The following ADGRL1 variants were observed in gnomAD, a reference collection of about 807,000 sequenced individuals.
ADGRL1 encodes the protein adhesion G protein-coupled receptor L1, also known as CIRL-1.
Under a neutral mutation model 148.9 loss-of-function variants are expected in ADGRL1, and 31 were observed. That is an observed-to-expected ratio of 0.21 (90% confidence interval 0.16 to 0.28). ADGRL1 has a LOEUF of 0.28. Ranked by LOEUF, ADGRL1 falls within the 10% of genes least tolerant of loss-of-function variation. The pLI, the probability that ADGRL1 is intolerant of heterozygous loss-of-function variation, is 1.00. For missense variants in ADGRL1, 1,521 were observed against 2,058.8 expected (o/e 0.74, Z 5.05); for synonymous variants, 937 against 900.3 (o/e 1.04, Z -0.73).
intron 1 of ADGRL1, among the ~76,000 whole-genome samples, chr19:14,184,891 G>A (rs748606638): frequency 1.3e-4 from 20 of 152,042 alleles, no homozygotes; most frequent in Non-Finnish European, 2.6e-4. Flanking sequence ...CGCCCGTCTC[G>A]GCCTCCCAAA....
At chr19:14,199,657 G>A (rs3962171) in intron 1 of ADGRL1, among the ~76,000 whole-genome samples, 4 of 152,062 alleles carry the variant, frequency 2.6e-5, no homozygotes, top group Non-Finnish European at 4.4e-5. Context: ...AAACTCAAGC[G>A]ATCCTCCCGC....
Position 14,152,298 on chromosome 19 carries a change from C to A in ADGRL1, c.3649+11G>T. On this transcript the variant is annotated intron_variant, in intron 21 of 22. Coordinates refer to ENST00000361434, the MANE Select transcript of ADGRL1 (RefSeq NM_014921.5). This position sits in a 1 kb window ranked among gnomAD's most constrained non-coding sequence, Gnocchi z 6.1. ...ATTTCCCAACCTGGGATGTTTCCCC[C>A]GTGCTCTCACCTGGGGAGTTGAAGA... The A allele has an allele frequency of 1.2e-6, 2 of 1,602,058 alleles. No homozygotes were observed. The highest frequency in any genetic ancestry group is 1.7e-6 in the Non-Finnish European group (2 of 1,172,700).
At position 14,150,369 on chromosome 19, in the gene ADGRL1, G is replaced by A. The variant is rs1968046603; in HGVS notation, c.*504C>T. On this transcript the variant is annotated 3_prime_UTR_variant, in exon 23 of 23. Transcript: ENST00000361434. ...CAGGGAGCAGGGAATTACAGCGCAG[G>A]AGGAACCTGTCCATCTGTCCTGCCT... The A allele has an allele frequency of 6.4e-6, 1 of 155,316 alleles. No individual in the cohort carries two copies. The highest frequency in any genetic ancestry group is 2.4e-5 in the African/African-American group (1 of 41,474). 9.6% of individuals were successfully genotyped at this position (155,316 alleles called of 1,614,324 possible). A position where few individuals can be genotyped will look rare whatever the true frequency, so the allele number is the denominator to read the frequency against.
In ADGRL1 at chr19:14,155,069, G is replaced by A. The variant is rs935900223; in HGVS notation, c.3294+290C>T. 4.7e-6 allele frequency: 1 copy of A among 212,584 alleles called. No homozygotes were observed. 13.2% of individuals were successfully genotyped at this position (212,584 alleles called of 1,614,324 possible). A position where few individuals can be genotyped will look rare whatever the true frequency, so the allele number is the denominator to read the frequency against. On this transcript the variant is annotated intron_variant, in intron 18 of 22. Coordinates refer to ENST00000361434, the MANE Select transcript of ADGRL1 (RefSeq NM_014921.5). This position sits in a 1 kb window ranked among gnomAD's most constrained non-coding sequence, Gnocchi z 5.0. ...GTCCTCCCTCTCCCAGGCCTGACTC[G>A]TGGCCCTCATGGTGGTGAGGGTTCC...
chr19:14,155,743 G>T lies in ADGRL1; in HGVS notation c.3126-216C>A. On this transcript the variant is annotated intron_variant, in intron 17 of 22. Coordinates refer to ENST00000361434, the MANE Select transcript of ADGRL1 (RefSeq NM_014921.5). This position sits in a 1 kb window ranked among gnomAD's most constrained non-coding sequence, Gnocchi z 5.0. ...GAAAGGTACTGGGTCAGGGGTCGGG[G>T]TATTGTGAACATCAGTTATTCCTCT... 1 of 589,750 alleles carries T rather than the reference G, an allele frequency of 1.7e-6. No homozygotes were observed. The allele number at this position is 589,750 out of a possible 1,614,324, so 36.5% of individuals were successfully genotyped here.
At chr19:14,187,641 C>T (rs909367110) in intron 1 of ADGRL1, among the ~76,000 whole-genome samples, 6 of 149,546 alleles carry the variant, frequency 4.0e-5, no homozygotes, top group Non-Finnish European at 7.4e-5. Flanking sequence ...GTGTCACTTT[C>T]AGATGATTTT....
Position 14,160,068 on chromosome 19 carries a change from A to T in ADGRL1, c.1800+44T>A. ...AGGTACTTCCCAAGCCCCTGGGGGC[A>T]GGCGCCCTCCCCATACCAGGTCAGC... is the stretch of plus-strand genomic sequence containing the variant. On this transcript the variant is annotated intron_variant, in intron 8 of 22. Transcript: ENST00000361434. This position sits in a 1 kb window ranked among gnomAD's most constrained non-coding sequence, Gnocchi z 5.9. 1 of 1,531,274 alleles carries T rather than the reference A, an allele frequency of 6.5e-7. No homozygotes were observed. The highest frequency in any genetic ancestry group is 8.8e-7 in the Non-Finnish European group (1 of 1,134,822). The allele number at this position is 1,531,274 out of a possible 1,614,324, so 94.9% of individuals were successfully genotyped here. A position where few individuals can be genotyped will look rare whatever the true frequency, so the allele number is the denominator to read the frequency against.
At chr19:14,185,298 C>G (rs1157045224) in intron 1 of ADGRL1, among the ~76,000 whole-genome samples, 1 of 151,786 alleles carries the variant, frequency 6.6e-6, no homozygotes, top group Non-Finnish European at 1.5e-5. Flanking sequence ...CTCTCTCTCT[C>G]TTTCTTTTTT....
At position 14,177,869 on chromosome 19, in the gene ADGRL1, A is replaced by G. The variant is rs180922641; in HGVS notation, c.71-125T>C. 5.2e-4 allele frequency: 402 copies of G among 767,548 alleles called. 1 individual carries two copies. The African/African-American group carries it at 6.5e-3, about 12-fold the overall frequency. 47.5% of individuals were successfully genotyped at this position (767,548 alleles called of 1,614,324 possible). ...CCTGGAAGCCAGCTGAGGCAGCCTC[A>G]GTTGATTCAGCTGTAGAATGGGCCT... On this transcript the variant is annotated intron_variant, in intron 2 of 22. Coordinates refer to ENST00000361434, the MANE Select transcript of ADGRL1 (RefSeq NM_014921.5).
intron 1 of ADGRL1, among the ~76,000 whole-genome samples, chr19:14,194,937 T>A (rs1276382481): frequency 1.3e-5 from 2 of 150,238 alleles, no homozygotes; most frequent in African/African-American, 4.9e-5. Flanking sequence ...CAGGCTGGAG[T>A]GCAATGGTGC....
At chr19:14,163,480 G>A in intron 4 of ADGRL1, 74 bp from the exon 5 acceptor site, 2 of 1,084,846 alleles carry the variant, frequency 1.8e-6, no homozygotes, top group Non-Finnish European at 2.6e-6. Context: ...GAGAGAGAGA[G>A]AGAGAGAGAG....
intron 18 of ADGRL1, among the ~76,000 whole-genome samples, chr19:14,154,054 T>G (rs987659346): frequency 1.3e-5 from 2 of 151,838 alleles, no homozygotes; most frequent in African/African-American, 4.8e-5. Context: ...CATCTAGGTG[T>G]CTGAGAGCAG....
rs774232155 is a variant in ADGRL1, at chr19:14,162,598, G to A, written c.1195+8C>T. The A allele has an allele frequency of 1.8e-5, 28 of 1,595,104 alleles. No individual in the cohort carries two copies. Among genetic ancestry groups the A allele is most frequent in the East Asian group, 1.6e-4 (7 of 44,586 alleles). ...CAGGCTCCATGCCTGGAAGTGAGTCGTCCTCACCAGCACTGGGGTCGGGCG... is the reference window on the plus strand; with the variant it reads ...CAGGCTCCATGCCTGGAAGTGAGTCATCCTCACCAGCACTGGGGTCGGGCG... On this transcript the variant is annotated splice_region_variant and intron_variant, in intron 5 of 22. Transcript: ENST00000361434. This position sits in a 1 kb window ranked among gnomAD's most constrained non-coding sequence, Gnocchi z 5.4.
At position 14,156,737 on chromosome 19, in the gene ADGRL1, C is replaced by G. The variant is rs1374199179; in HGVS notation, c.2967-13G>C. ...TCGGAGCCAGCAGCTGTAAAGGAAA[C>G]AGGGCCGGGGTATAGAGAGAAGCCG... On this transcript the variant is annotated splice_polypyrimidine_tract_variant and intron_variant, in intron 15 of 22. Coordinates refer to ENST00000361434, the MANE Select transcript of ADGRL1 (RefSeq NM_014921.5). 1 of 1,605,726 alleles carries G rather than the reference C, an allele frequency of 6.2e-7. No individual in the cohort carries two copies. The highest frequency in any genetic ancestry group is 1.7e-5 in the Admixed American group (1 of 59,172).
chr19:14,184,414 G>GT lies in ADGRL1; in HGVS notation c.-95-718dup, dbSNP rs530112010. 5.6e-4 allele frequency among the ~76,000 whole-genome samples: 83 copies of GT among 148,256 alleles called. 2 individuals are homozygous for GT. Among genetic ancestry groups the GT allele is most frequent in the East Asian group, 4.0e-4 (2 of 5,054 alleles). On this transcript the variant is annotated intron_variant, in intron 1 of 22. Transcript: ENST00000361434. ...CTCTGTCCCCAGGCACAGCGGCTCA[G>GT]TTTTTTTTTTCATTATTATTATTTT...
chr19:14,184,740 C>A (rs754595482), intron 1 of ADGRL1, among the ~76,000 whole-genome samples: 1 of 150,820 alleles, frequency 6.6e-6, no homozygotes, highest in Non-Finnish European at 1.5e-5. Flanking sequence ...CCTGGGTTCA[C>A]GCCATTCTCC....
chr19:14,176,218 G>T (rs1407180786), intron 3 of ADGRL1, among the ~76,000 whole-genome samples: 2 of 151,788 alleles, frequency 1.3e-5, no homozygotes, highest in Non-Finnish European at 1.5e-5. Context: ...TGGCGTGGTG[G>T]TGCGCGCCTG....
In ADGRL1 at chr19:14,159,133, G is replaced by A; in HGVS notation, c.2106C>T (p.Ser702=). The A allele has an allele frequency of 6.2e-7, 1 of 1,614,146 alleles. No individual in the cohort carries two copies. Among genetic ancestry groups the A allele is most frequent in the Non-Finnish European group, 8.5e-7 (1 of 1,180,008 alleles). The part of the protein sequence containing the change: ...FPQEEYPRKN[S]IQLSAKTIKQ... ...TGATGGTTTTGGCAGACAGCTGGAT[G>A]GAGTTCTTTCTCGGGTACTCCTCCT... The change falls in exon 11 of 23, where the codon TCC becomes TCT. Residue 702 remains serine, a synonymous_variant. Transcript: ENST00000361434. The surrounding 1 kb of genome is among the most constrained non-coding windows in gnomAD (Gnocchi z 6.0).
At chr19:14,174,963 A>C (rs975569694) in intron 3 of ADGRL1, among the ~76,000 whole-genome samples, 1 of 150,974 alleles carries the variant, frequency 6.6e-6, no homozygotes, top group Non-Finnish European at 1.5e-5. Context: ...TGCATCGGTC[A>C]TCTGAGTAGC....
Sources: gnomAD v4.1 joint callset for allele counts (sites outside exome capture counted in the v4.1 genomes callset) on GRCh38, gnomAD v4.1.1 for gene constraint, Gnocchi (gnomAD v3.1) non-coding constraint, MANE v1.5 for transcripts, NCBI Gene and HGNC (gene_info 2026-07-23, HGNC 2026-07-21) for gene names.